Variants in FBXW10B observed in about 807,000 individuals in gnomAD.
FBXW10B encodes F-box and WD repeat domain containing 10B.
the FBXW10B span, among the ~76,000 whole-genome samples, chr17:15,614,602 T>TA: frequency 6.6e-6 from 1 of 152,202 alleles, no homozygotes; most frequent in East Asian, 1.9e-4. Context: ...GGAATTTTCT[T>TA]AAAAATACTC....
At chr17:15,567,423 A>G in the FBXW10B span, among the ~76,000 whole-genome samples, 1 of 152,108 alleles carries the variant, frequency 6.6e-6, no homozygotes, top group African/African-American at 2.4e-5. Context: ...ATGATAATGT[A>G]TTGTGGATCT....
the FBXW10B span, among the ~76,000 whole-genome samples, chr17:15,616,161 CT>C: frequency 5.9e-5 from 9 of 151,538 alleles, no homozygotes; most frequent in African/African-American, 1.9e-4. Context: ...GAACATTTAA[CT>C]TTTTTTTGGT....
the FBXW10B span, chr17:15,598,781 G>T: frequency 4.2e-6 from 6 of 1,433,542 alleles, no homozygotes; most frequent in Admixed American, 5.5e-5. Flanking sequence ...TAGAGTCAGG[G>T]GCCTGGATTT....
the FBXW10B span, among the ~76,000 whole-genome samples, chr17:15,570,827 C>T: frequency 5.2e-4 from 79 of 152,280 alleles, no homozygotes; most frequent in African/African-American, 1.8e-3. Context: ...AAACTGGGCT[C>T]GGCAGAGGAC....
chr17:15,615,003 G>T, the FBXW10B span, among the ~76,000 whole-genome samples: 1 of 152,144 alleles, frequency 6.6e-6, no homozygotes, highest in African/African-American at 2.4e-5. Context: ...ATGGATTGTG[G>T]CCCAGAGCAG....
chr17:15,608,981 C>T, the FBXW10B span, among the ~76,000 whole-genome samples: 1 of 150,304 alleles, frequency 6.7e-6, no homozygotes, highest in Non-Finnish European at 1.5e-5. Context: ...TTCGTCCTCC[C>T]TCCTTCCCTC....
chr17:15,583,458 A>G, the FBXW10B span, among the ~76,000 whole-genome samples: 1 of 148,746 alleles, frequency 6.7e-6, no homozygotes, highest in African/African-American at 2.4e-5. Flanking sequence ...ACTGACCACC[A>G]CTACAGCATC....
the FBXW10B span, among the ~76,000 whole-genome samples, chr17:15,610,803 T>TGTATC: frequency 9.7e-4 from 147 of 152,306 alleles, no homozygotes; most frequent in African/African-American, 3.5e-3. Context: ...CATTACTGAC[T>TGTATC]GTATCACCCA....
At chr17:15,581,618 G>A in the FBXW10B span, among the ~76,000 whole-genome samples, 8 of 150,928 alleles carry the variant, frequency 5.3e-5, no homozygotes, top group East Asian at 1.4e-3. Context: ...ACTGAAAGTG[G>A]ATGACCTAAC....
chr17:15,588,850 A>G, the FBXW10B span: 150 of 1,613,688 alleles, frequency 9.3e-5, no homozygotes, highest in Non-Finnish European at 1.2e-4. Context: ...GCCTTTTTCC[A>G]GCCCGTTGCT....
chr17:15,613,750 A>G, the FBXW10B span: 29 of 1,613,604 alleles, frequency 1.8e-5, no homozygotes, highest in African/African-American at 2.0e-4. Context: ...TTCCTGGAAA[A>G]AAAAAAAAGA....
chr17:15,573,167 T>C, the FBXW10B span: 1 of 152,210 alleles, frequency 6.6e-6, no homozygotes, highest in African/African-American at 2.4e-5. Flanking sequence ...CTGTAATTCA[T>C]TATAAGGGAG....
the FBXW10B span, chr17:15,618,939 T>C: frequency 6.4e-7 from 1 of 1,574,640 alleles, no homozygotes; most frequent in South Asian, 1.2e-5. Context: ...TGCAGTTCCT[T>C]ACAGATTTCT....
the FBXW10B span, among the ~76,000 whole-genome samples, chr17:15,579,922 G>T: frequency 4.0e-5 from 6 of 151,580 alleles, no homozygotes; most frequent in Non-Finnish European, 8.8e-5. Context: ...ATTTAAAAAG[G>T]AGAAAAAAAT....
chr17:15,569,455 C>CTTTTTTTTTTTT, the FBXW10B span, among the ~76,000 whole-genome samples: 684 of 59,144 alleles, frequency 0.012, 1 homozygote, highest in Non-Finnish European at 0.015. Context: ...TTTTCTTTTT[C>CTTTTTTTTTTTT]TTTTTTTTTT....
the FBXW10B span, among the ~76,000 whole-genome samples, chr17:15,609,543 C>T: frequency 6.6e-4 from 100 of 150,892 alleles, no homozygotes; most frequent in Admixed American, 2.5e-3. Context: ...GTTTAAATTC[C>T]AGCTCTGCCA....
chr17:15,617,309 C>T, the FBXW10B span, among the ~76,000 whole-genome samples: 40 of 152,206 alleles, frequency 2.6e-4, no homozygotes, highest in African/African-American at 9.4e-4. Context: ...CCTGTCAGGT[C>T]GCACTGGTGA....
the FBXW10B span, chr17:15,615,858 G>A: frequency 6.2e-7 from 1 of 1,613,002 alleles, no homozygotes. Flanking sequence ...TGGGTGTGTT[G>A]AGGAAAATGA....
At chr17:15,586,296 T>C in the FBXW10B span, among the ~76,000 whole-genome samples, 2 of 151,668 alleles carry the variant, frequency 1.3e-5, no homozygotes, top group African/African-American at 4.9e-5. Context: ...AACTGCTGAT[T>C]TGGGGGGGCA....
Sources: allele counts gnomAD v4.1 joint callset (sites outside exome capture counted in the v4.1 genomes callset), GRCh38; gene constraint gnomAD v4.1.1; transcripts MANE v1.5; gene names NCBI Gene and HGNC (gene_info 2026-07-23, HGNC 2026-07-21).